The following SLC4A10 variants were observed in gnomAD, a reference collection of about 807,000 sequenced individuals.
The protein encoded by SLC4A10 is solute carrier family 4 member 10.
Under a neutral mutation model 137.7 loss-of-function variants are expected in SLC4A10, and 42 were observed. The ratio of observed to expected loss-of-function variants is 0.30; its 90% CI spans 0.24 to 0.39. The LOEUF is 0.39. Among genes scored for constraint, SLC4A10 ranks in the 10% least tolerant of loss-of-function variants. The pLI is 1.00. For synonymous variants in SLC4A10, 474 were observed against 464.1 expected, an observed-to-expected ratio of 1.02 and a Z score of -0.27; for missense variants, 925 against 1,355.0, an observed-to-expected ratio of 0.68 and a Z score of 4.98.
At chr2:161,649,133 C>T (rs956428757) in intron 1 of SLC4A10, among the ~76,000 whole-genome samples, 1 of 152,130 alleles carries the variant, frequency 6.6e-6, no homozygotes, top group East Asian at 1.9e-4. Flanking sequence ...CTTTGGAGGC[C>T]GAGGTGGTGG....
chr2:161,821,826 G>T (rs1047855105), intron 3 of SLC4A10, among the ~76,000 whole-genome samples: 1 of 152,058 alleles, frequency 6.6e-6, no homozygotes, highest in African/African-American at 2.4e-5. Flanking sequence ...TAGTAGGATG[G>T]TTATGAAAAA....
chr2:161,693,624 A>C (rs1249044789), intron 1 of SLC4A10, among the ~76,000 whole-genome samples: 2 of 149,508 alleles, frequency 1.3e-5, no homozygotes, highest in Non-Finnish European at 3.0e-5. Flanking sequence ...CCCACCCTTC[A>C]GCCTCTGGCA....
chr2:161,683,199 T>A (rs9677118), intron 1 of SLC4A10, among the ~76,000 whole-genome samples: 140,270 of 152,146 alleles, frequency 0.92, 64,708 homozygotes, highest in East Asian at 1. Context: ...CAGCTTGAGT[T>A]ATAGTTTGAA....
chr2:161,971,372 C>A (rs1008569781), intron 23 of SLC4A10, among the ~76,000 whole-genome samples: 1 of 152,064 alleles, frequency 6.6e-6, no homozygotes, highest in African/African-American at 2.4e-5. Flanking sequence ...CATAAACGTC[C>A]CTCTAGTTAA....
intron 1 of SLC4A10, among the ~76,000 whole-genome samples, chr2:161,727,270 G>A (rs2046330724): frequency 6.6e-6 from 1 of 152,174 alleles, no homozygotes; most frequent in Non-Finnish European, 1.5e-5. Context: ...ACCAGCTCAA[G>A]AAGAAAGCCC....
At chr2:161,964,045 C>A (rs755184947) in intron 21 of SLC4A10, 90 bp from the exon 22 acceptor site, 2 of 1,173,416 alleles carry the variant, frequency 1.7e-6, no homozygotes, top group Non-Finnish European at 2.3e-6. Flanking sequence ...GTCATTTAAC[C>A]CAAAATTGTG....
At chr2:161,983,125 A>T (rs1207160646) in intron 26 of SLC4A10, 54 bp from the exon 27 acceptor site, 1 of 1,487,108 alleles carries the variant, frequency 6.7e-7, no homozygotes, top group Non-Finnish European at 9.1e-7. Flanking sequence ...AGCAGATGTC[A>T]TAGTAGCCAT....
At chr2:161,966,712 G>A (rs1007901877) in intron 23 of SLC4A10, among the ~76,000 whole-genome samples, 6 of 148,938 alleles carry the variant, frequency 4.0e-5, no homozygotes, top group Non-Finnish European at 7.4e-5. Flanking sequence ...ACTCCAGCCT[G>A]GTGACAGAGC....
chr2:161,859,594 CTTTTTTTTTTTTTT>C (rs72003642), intron 5 of SLC4A10, among the ~76,000 whole-genome samples: 722 of 47,408 alleles, frequency 0.015, 29 homozygotes, highest in Non-Finnish European at 0.02. Context: ...CTTTTCTTTT[CTTTTTTTTTTTTTT>C]TTTTTTTTTT....
intron 1 of SLC4A10, among the ~76,000 whole-genome samples, chr2:161,741,177 A>G (rs1156370916): frequency 4.0e-5 from 6 of 149,606 alleles, no homozygotes; most frequent in Non-Finnish European, 8.9e-5. Flanking sequence ...AAGTGGAAGG[A>G]TTCCTGGAGC....
chr2:161,705,181 A>G (rs1294193151), intron 1 of SLC4A10, among the ~76,000 whole-genome samples: 1 of 151,548 alleles, frequency 6.6e-6, no homozygotes, highest in Non-Finnish European at 1.5e-5. Flanking sequence ...TGAATTACTA[A>G]GATATGGTAT....
chr2:161,752,293 T>C (rs1366336253), intron 1 of SLC4A10, among the ~76,000 whole-genome samples: 1 of 152,006 alleles, frequency 6.6e-6, no homozygotes, highest in East Asian at 1.9e-4. Context: ...ATCTAATTAA[T>C]CCTCTCTTGA....
intron 1 of SLC4A10, among the ~76,000 whole-genome samples, chr2:161,670,576 A>G (rs1003463696): frequency 5.9e-5 from 2 of 34,080 alleles, no homozygotes; most frequent in Admixed American, 4.4e-4. Context: ...AACCTTGTTT[A>G]TAAATACTAA....
rs541792588 is a variant in SLC4A10, at chr2:161,725,107, C to T, written c.49-45866C>T. ...GTTCATGAGCAAATATGGCCTAAATCGCTTTGAACACTAGTAGGAATTCAT... is the reference window on the plus strand; with the variant it reads ...GTTCATGAGCAAATATGGCCTAAATTGCTTTGAACACTAGTAGGAATTCAT... On this transcript the variant is annotated intron_variant, in intron 1 of 26. Transcript: ENST00000446997. 1.6e-4 allele frequency among the ~76,000 whole-genome samples: 24 copies of T among 152,242 alleles called. No homozygotes were observed. The South Asian group carries it at 4.6e-3, about 29-fold the overall frequency.
rs553144547 is a variant in SLC4A10, at chr2:161,978,257, G to T, written c.*26+497G>T. ...AAAAAATTAGCCAGGCGTGGTGGCG[G>T]ATGCCTGTAATCCCAGCTACTTTGG... On this transcript the variant is annotated intron_variant, in intron 26 of 26. Coordinates refer to ENST00000446997, the MANE Select transcript of SLC4A10 (RefSeq NM_001178015.2). Among the ~76,000 whole-genome samples, 373 of 151,604 alleles carry T rather than the reference G, an allele frequency of 2.5e-3. 1 individual carries two copies. Among genetic ancestry groups the T allele is most frequent in the Non-Finnish European group, 3.7e-3 (251 of 67,834 alleles).
chr2:161,923,618 G>A (rs376734023), intron 15 of SLC4A10, among the ~76,000 whole-genome samples: 35 of 151,656 alleles, frequency 2.3e-4, no homozygotes, highest in African/African-American at 8.5e-4. Context: ...GGTGGGAATT[G>A]AACAATGAGA....
intron 4 of SLC4A10, 91 bp from the exon 5 acceptor site, chr2:161,854,879 T>C (rs1046688140): frequency 7.9e-7 from 1 of 1,268,758 alleles, no homozygotes. Flanking sequence ...ACAATATGAC[T>C]ATTTTTCTAT....
intron 15 of SLC4A10, among the ~76,000 whole-genome samples, chr2:161,908,182 A>G (rs1274490479): frequency 6.6e-6 from 1 of 152,128 alleles, no homozygotes; most frequent in Non-Finnish European, 1.5e-5. Flanking sequence ...AGAGGAAACT[A>G]TGGATAATGT....
chr2:161,958,403 T>A, intron 20 of SLC4A10, 84 bp from the exon 21 acceptor site: 1 of 1,146,232 alleles, frequency 8.7e-7, no homozygotes, highest in East Asian at 2.4e-5. Flanking sequence ...AATGCCTTTT[T>A]TCCCTGTTTT....
Sources: gnomAD v4.1 joint callset for allele counts (sites outside exome capture counted in the v4.1 genomes callset) on GRCh38, gnomAD v4.1.1 for gene constraint, MANE v1.5 for transcripts, NCBI Gene and HGNC (gene_info 2026-07-23, HGNC 2026-07-21) for gene names.